The following ROBO2 variants were observed in gnomAD, a reference collection of about 807,000 sequenced individuals.
ROBO2 encodes roundabout homolog 2.
In ROBO2, 53 loss-of-function variants were observed where a neutral mutation model predicts 160.8. The observed-to-expected ratio is 0.33, with a 90% CI of 0.26 to 0.41. The LOEUF (loss-of-function observed/expected upper bound fraction) is 0.41, where lower values mean the gene tolerates loss of function less well. Ranked by LOEUF, ROBO2 falls within the 10% of genes least tolerant of loss-of-function variation. The pLI is 1.00. For missense variants in ROBO2, 1,577 were observed against 1,722.4 expected (o/e 0.92, Z 1.49); for synonymous variants, 664 against 611.7 (o/e 1.09, Z -1.26).
At chr3:76,910,097 G>A (rs2075871534) in intron 2 of ROBO2, among the ~76,000 whole-genome samples, 2 of 152,166 alleles carry the variant, frequency 1.3e-5, no homozygotes, top group Non-Finnish European at 2.9e-5. Context: ...TAAAATATAG[G>A]TAAGCCTAGG....
chr3:76,142,136 A>G (rs546572169), intron 2 of ROBO2, among the ~76,000 whole-genome samples: 3 of 152,172 alleles, frequency 2.0e-5, no homozygotes, highest in East Asian at 3.9e-4. Context: ...ATCCTATTGA[A>G]TGGTTGTCAA....
intron 2 of ROBO2, among the ~76,000 whole-genome samples, chr3:76,706,214 T>C (rs2093160277): frequency 6.6e-6 from 1 of 152,130 alleles, no homozygotes. Context: ...AAATAGAATT[T>C]TCAACTTGAA....
intron 2 of ROBO2, among the ~76,000 whole-genome samples, chr3:76,865,713 A>C (rs2071299320): frequency 6.6e-6 from 1 of 152,140 alleles, no homozygotes; most frequent in Non-Finnish European, 1.5e-5. Flanking sequence ...AGTGAAACAA[A>C]ATTTTGTTTA....
intron 1 of ROBO2, chr3:77,091,984 T>C (rs2070342027): frequency 1.0e-5 from 1 of 100,062 alleles, no homozygotes; most frequent in Non-Finnish European, 1.9e-5. Context: ...TGACTCAAAA[T>C]AAATAAATAA....
In ROBO2 at chr3:77,568,168, G is replaced by T. The variant is rs534739108; in HGVS notation, c.1850-145G>T. On this transcript the variant is annotated intron_variant, in intron 12 of 25. Transcript: ENST00000461745. Reference sequence around the variant, plus strand: ...CCACAGTGGTATATTTATATATATAGGCTTAAATGCTTTTTGTCACAAGAG... The same window carrying T: ...CCACAGTGGTATATTTATATATATATGCTTAAATGCTTTTTGTCACAAGAG... 38 of 787,660 alleles carry T rather than the reference G, an allele frequency of 4.8e-5. No individual in the cohort carries two copies. The South Asian group carries it at 5.4e-4, about 11-fold the overall frequency. 48.8% of individuals were successfully genotyped at this position (787,660 alleles called of 1,614,324 possible).
intron 2 of ROBO2, among the ~76,000 whole-genome samples, chr3:76,998,232 T>C (rs1438779290): frequency 1.3e-5 from 2 of 152,170 alleles, no homozygotes; most frequent in Non-Finnish European, 2.9e-5. Context: ...AATTGATTGA[T>C]ACTTGCGTTC....
intron 6 of ROBO2, among the ~76,000 whole-genome samples, chr3:77,523,962 G>C (rs1218203087): frequency 6.6e-6 from 1 of 151,290 alleles, no homozygotes; most frequent in Non-Finnish European, 1.5e-5. Context: ...TGCAGGAAAG[G>C]TGTGAGGGAT....
At chr3:76,702,736 T>C (rs1335414720) in intron 2 of ROBO2, among the ~76,000 whole-genome samples, 1 of 150,454 alleles carries the variant, frequency 6.6e-6, no homozygotes, top group African/African-American at 2.5e-5. Context: ...ATGGAAGCAA[T>C]AAAGGAAGAA....
chr3:76,234,860 A>G (rs958477719), intron 2 of ROBO2, among the ~76,000 whole-genome samples: 1 of 152,174 alleles, frequency 6.6e-6, no homozygotes, highest in African/African-American at 2.4e-5. Flanking sequence ...TTTTGGAAGA[A>G]GAAAACTCAT....
intron 2 of ROBO2, among the ~76,000 whole-genome samples, chr3:77,340,777 G>A (rs1467470018): frequency 6.6e-6 from 1 of 152,064 alleles, no homozygotes; most frequent in Non-Finnish European, 1.5e-5. Context: ...TCATAATACT[G>A]TATGAATTAC....
chr3:77,331,199 C>A (rs1434052864), intron 2 of ROBO2, among the ~76,000 whole-genome samples: 1 of 152,072 alleles, frequency 6.6e-6, no homozygotes, highest in East Asian at 1.9e-4. Context: ...TTCCTTGTAC[C>A]CTGAACTGAT....
intron 2 of ROBO2, among the ~76,000 whole-genome samples, chr3:77,351,551 G>T (rs1292243529): frequency 2.6e-5 from 4 of 152,134 alleles, no homozygotes; most frequent in African/African-American, 9.7e-5. Flanking sequence ...CCTTGGTTGA[G>T]AATCGTAAGG....
chr3:77,552,090 G>T (rs2092940652), intron 8 of ROBO2, among the ~76,000 whole-genome samples: 1 of 151,936 alleles, frequency 6.6e-6, no homozygotes, highest in African/African-American at 2.4e-5. Flanking sequence ...TTCTTCCTTA[G>T]ATGGGCAAGG....
At chr3:76,457,018 C>T (rs2077797403) in intron 2 of ROBO2, among the ~76,000 whole-genome samples, 1 of 152,132 alleles carries the variant, frequency 6.6e-6, no homozygotes, top group South Asian at 2.1e-4. Flanking sequence ...ACATACAATT[C>T]AAGATGAGAT....
intron 2 of ROBO2, among the ~76,000 whole-genome samples, chr3:76,865,414 G>A (rs2071263544): frequency 6.6e-6 from 1 of 152,092 alleles, no homozygotes; most frequent in African/African-American, 2.4e-5. Context: ...TTCAAGTTCT[G>A]TATTTAATCC....
intron 2 of ROBO2, among the ~76,000 whole-genome samples, chr3:77,445,328 T>C (rs1343747482): frequency 2.0e-5 from 3 of 152,170 alleles, no homozygotes; most frequent in Non-Finnish European, 4.4e-5. Context: ...GAGTGTAACA[T>C]TCAATAATTG....
chr3:77,441,771 T>A (rs913800870), intron 2 of ROBO2, among the ~76,000 whole-genome samples: 2 of 152,178 alleles, frequency 1.3e-5, no homozygotes, highest in African/African-American at 4.8e-5. Flanking sequence ...ACTTTAAAAT[T>A]CCATTTTGGT....
At chr3:77,457,397 T>C (rs992734347) in intron 2 of ROBO2, among the ~76,000 whole-genome samples, 1 of 152,176 alleles carries the variant, frequency 6.6e-6, no homozygotes, top group African/African-American at 2.4e-5. Flanking sequence ...GACAATAACA[T>C]TTGCTTAGTG....
rs1240223456 is a variant in ROBO2 at position 76,729,496 on chromosome 3, G to GA, written c.110-368512dup. On this transcript the variant is annotated intron_variant, in intron 2 of 26. Transcript: ENST00000487694. Reference sequence around the variant, plus strand: ...TATGACTGTCATGAGAATAAGCCATGAAAAAATAAAACAATGAAAGGAATT... The same window carrying GA: ...TATGACTGTCATGAGAATAAGCCATGAAAAAAATAAAACAATGAAAGGAATT... Among the ~76,000 whole-genome samples, 3 of 151,956 alleles carry GA rather than the reference G, an allele frequency of 2.0e-5. No individual in the cohort carries two copies. In the South Asian group the frequency reaches 6.2e-4, roughly 31 times the overall value.
Sources: gnomAD v4.1 joint callset for allele counts (sites outside exome capture counted in the v4.1 genomes callset) on GRCh38, gnomAD v4.1.1 for gene constraint, MANE v1.5 for transcripts, NCBI Gene and HGNC (gene_info 2026-07-23, HGNC 2026-07-21) for gene names.